The following SPPL2B variants were observed in gnomAD, a reference collection of about 807,000 sequenced individuals.
SPPL2B encodes signal peptide peptidase-like 2B.
A neutral mutation model predicts 59.7 loss-of-function variants in SPPL2B; 39 were observed. That is an observed-to-expected ratio of 0.65 (90% CI 0.51 to 0.85). The LOEUF (loss-of-function observed/expected upper bound fraction) is 0.85, where lower values mean the gene tolerates loss of function less well. Among genes scored for constraint, SPPL2B ranks in the 40% least tolerant of loss-of-function variants. SPPL2B has a pLI of 0.00. For missense variants in SPPL2B, 865 were observed against 849.0 expected, an observed-to-expected ratio of 1.02 and a Z score of -0.23; for synonymous variants, 419 against 370.8, an observed-to-expected ratio of 1.13 and a Z score of -1.49.
At position 2,337,509 on chromosome 19, in the gene SPPL2B, G is replaced by T. The variant is rs978567536; in HGVS notation, c.253G>T (p.Gly85Cys). The T allele has an allele frequency of 3.1e-6, 5 of 1,613,248 alleles. No homozygotes were observed. In the African/African-American group the frequency reaches 6.7e-5, roughly 22 times the overall value. The change falls in exon 3 of 15, where the codon GGC becomes TGC. Residue 85 changes from glycine (G) to cysteine (C), a missense_variant. By Grantham distance (159) the Gly-to-Cys change is radical. Coordinates refer to ENST00000613503, the MANE Select transcript of SPPL2B (RefSeq NM_152988.3). ...CTCCGCAGCCGACCTCCCCGCCCGT[G>T]GCTTCAGCAACCAGATCCCGCTGGT... The part of the protein sequence containing the change: ...LCSAADLPAR[G>C]FSNQIPLVAR...
intron 3 of SPPL2B, 46 bp downstream of exon 3, chr19:2,337,671 AG>A (rs771987541): frequency 6.0e-6 from 9 of 1,488,026 alleles, no homozygotes; most frequent in South Asian, 5.3e-5. Flanking sequence ...CAGGGGCAGG[AG>A]GGGGGTGCAG....
At chr19:2,349,785 T>A (rs552895588) in intron 13 of SPPL2B, among the ~76,000 whole-genome samples, 1 of 145,580 alleles carries the variant, frequency 6.9e-6, no homozygotes, top group East Asian at 2.0e-4. Flanking sequence ...CCGTTCTCTC[T>A]CCACACACAC....
At chr19:2,343,835 T>C (rs1599231255) in intron 9 of SPPL2B, 130 bp from the exon 10 acceptor site, 8 of 669,910 alleles carry the variant, frequency 1.2e-5, no homozygotes, top group African/African-American at 3.6e-5. Flanking sequence ...GGTGCGTCCC[T>C]GGCACTGGGC....
chr19:2,334,864 C>T (rs905645856), intron 2 of SPPL2B, 143 bp downstream of exon 2: 27 of 1,131,564 alleles, frequency 2.4e-5, no homozygotes, highest in Non-Finnish European at 3.0e-5. Context: ...TTAGCTGGCC[C>T]CCAGTTCCCC....
At chr19:2,333,862 C>T (rs767704435) in intron 1 of SPPL2B, among the ~76,000 whole-genome samples, 10 of 152,248 alleles carry the variant, frequency 6.6e-5, no homozygotes, top group Non-Finnish European at 8.8e-5. Context: ...AGCTGCTGTG[C>T]TGGACTCTGC....
At chr19:2,329,023 G>C (rs982517350) in intron 1 of SPPL2B, among the ~76,000 whole-genome samples, 2 of 152,206 alleles carry the variant, frequency 1.3e-5, no homozygotes, top group African/African-American at 4.8e-5. Flanking sequence ...TTCCCACCGG[G>C]TCTGAAATTT....
intron 3 of SPPL2B, 25 bp from the exon 4 acceptor site, chr19:2,338,727 G>A: frequency 1.3e-6 from 2 of 1,563,814 alleles, no homozygotes; most frequent in Non-Finnish European, 1.8e-6. Flanking sequence ...GGTGATGCCT[G>A]CCGCTCCCTC....
At chr19:2,329,812 C>T (rs1041127337) in intron 1 of SPPL2B, among the ~76,000 whole-genome samples, 7 of 152,228 alleles carry the variant, frequency 4.6e-5, no homozygotes, top group African/African-American at 1.7e-4. Flanking sequence ...CAGTTGTGAC[C>T]TGGCTGCTGG....
At chr19:2,347,129 A>G (rs1282765610) in intron 13 of SPPL2B, among the ~76,000 whole-genome samples, 1 of 151,828 alleles carries the variant, frequency 6.6e-6, no homozygotes, top group Non-Finnish European at 1.5e-5. Context: ...CTCCCTCCAC[A>G]CACACTTACG....
chr19:2,341,826 C>G (rs1022337763), intron 8 of SPPL2B: 13 of 343,628 alleles, frequency 3.8e-5, no homozygotes, highest in Admixed American at 1.5e-4. Flanking sequence ...CAGCTGGGCG[C>G]AGGGGCTCAC....
At chr19:2,331,749 G>A (rs1211909820) in intron 1 of SPPL2B, among the ~76,000 whole-genome samples, 1 of 152,248 alleles carries the variant, frequency 6.6e-6, no homozygotes, top group African/African-American at 2.4e-5. Context: ...AGCTTGGCAA[G>A]TGTTTTCTGG....
intron 7 of SPPL2B, 146 bp from the exon 8 acceptor site, chr19:2,340,752 A>T (rs1968980634): frequency 3.3e-6 from 2 of 603,766 alleles, no homozygotes; most frequent in Admixed American, 3.0e-5. Flanking sequence ...TACTGTTGTC[A>T]TCGTGTGGGA....
intron 1 of SPPL2B, among the ~76,000 whole-genome samples, chr19:2,333,923 G>A (rs1023034524): frequency 6.6e-6 from 1 of 152,236 alleles, no homozygotes; most frequent in Admixed American, 6.5e-5. Context: ...GCTGGTGGCA[G>A]CGTGACCTGT....
At chr19:2,345,363 T>G (rs1311664712) in intron 13 of SPPL2B, 33 bp downstream of exon 13, 2 of 1,589,836 alleles carry the variant, frequency 1.3e-6, no homozygotes, top group Non-Finnish European at 1.7e-6. Flanking sequence ...TGCTGGCCTC[T>G]CTGGCTCCAG....
At chr19:2,346,228 GC>G (rs1969361694) in intron 13 of SPPL2B, among the ~76,000 whole-genome samples, 2 of 152,236 alleles carry the variant, frequency 1.3e-5, no homozygotes, top group Non-Finnish European at 2.9e-5. Flanking sequence ...CCCCGACCCT[GC>G]CCTCCACGTG....
chr19:2,351,297 C>G (rs1969909988), intron 13 of SPPL2B, 137 bp from the exon 14 acceptor site: 3 of 689,988 alleles, frequency 4.3e-6, no homozygotes, highest in East Asian at 5.2e-5. Context: ...GCCCTGCCGG[C>G]TGAACCCCCA....
chr19:2,350,848 AG>A (rs991330875), intron 13 of SPPL2B, among the ~76,000 whole-genome samples: 2 of 152,224 alleles, frequency 1.3e-5, no homozygotes, highest in African/African-American at 4.8e-5. Context: ...GCGGGTGCCA[AG>A]GGTGGCCATG....
chr19:2,332,564 G>A lies in SPPL2B; in HGVS notation c.67-2038G>A, dbSNP rs563504581. 4.6e-5 allele frequency among the ~76,000 whole-genome samples: 7 copies of A among 152,326 alleles called. No homozygotes were observed. Among genetic ancestry groups the A allele is most frequent in the Non-Finnish European group, 7.4e-5 (5 of 68,022 alleles). On this transcript the variant is annotated intron_variant, in intron 1 of 14. Transcript: ENST00000613503. The surrounding 1 kb of genome is among the most constrained non-coding windows in gnomAD (Gnocchi z 4.6). The stretch of plus-strand genomic sequence containing the variant: ...AAATGGCTGTGGCCTGTTTGTTTCC[G>A]TGACAGGTCCCCTGGGGACCAGGGG...
In SPPL2B at chr19:2,343,998, TACG is replaced by T. The variant is rs1387662611; in HGVS notation, c.1075_1077del (p.Asp359del). 2.6e-6 allele frequency: 4 copies of T among 1,548,446 alleles called. No homozygotes were observed. The highest frequency in any genetic ancestry group is 2.4e-5 in the East Asian group (1 of 40,898). ...GCTGCTGCTGCTGGTGCTGTTCCTC[TACG>T]ACATCTTCTTCGTGTTCATCACGCC... On this transcript the variant is annotated inframe_deletion, in exon 10 of 15. Transcript: ENST00000613503.
Sources: allele counts gnomAD v4.1 joint callset (sites outside exome capture counted in the v4.1 genomes callset), GRCh38; gene constraint gnomAD v4.1.1; non-coding constraint Gnocchi (gnomAD v3.1); transcripts MANE v1.5; gene names NCBI Gene and HGNC (gene_info 2026-07-23, HGNC 2026-07-21).